The following LINGO1 variants were observed in gnomAD, a reference collection of about 807,000 sequenced individuals.
The protein encoded by LINGO1 is leucine rich repeat and Ig domain containing 1.
A neutral mutation model predicts 37.3 loss-of-function variants in LINGO1; 11 were observed. That is an observed-to-expected ratio of 0.29 (90% CI 0.19 to 0.49). The LOEUF is 0.49. LINGO1 is among the 20% of genes least tolerant of loss of function. The probability of loss-of-function intolerance (pLI) is 0.99; values close to 1 mark genes in which losing one functional copy is unlikely to be tolerated. For missense variants in LINGO1, 585 were observed against 878.2 expected (o/e 0.67, Z 4.22); for synonymous variants, 387 against 403.0 (o/e 0.96, Z 0.48).
intron 2 of LINGO1, among the ~76,000 whole-genome samples, chr15:77,730,302 G>A (rs1433811755): frequency 6.6e-6 from 1 of 152,174 alleles, no homozygotes; most frequent in Non-Finnish European, 1.5e-5. Flanking sequence ...AGCCCTGTGA[G>A]GTGGGTTCTG....
chr15:77,628,691 A>C (rs2074165378), intron 1 of LINGO1, among the ~76,000 whole-genome samples: 1 of 152,140 alleles, frequency 6.6e-6, no homozygotes, highest in Admixed American at 6.5e-5. Flanking sequence ...TCATTATAGT[A>C]TTATTACTGC....
At chr15:77,772,396 G>A (rs1053758863) in intron 1 of LINGO1, among the ~76,000 whole-genome samples, 1 of 152,200 alleles carries the variant, frequency 6.6e-6, no homozygotes, top group South Asian at 2.1e-4. Context: ...TAAGAGGAGG[G>A]TGCAAGCACT....
chr15:77,687,253 G>A (rs1596108622), intron 2 of LINGO1, among the ~76,000 whole-genome samples: 1 of 152,098 alleles, frequency 6.6e-6, no homozygotes, highest in Non-Finnish European at 1.5e-5. Context: ...TGGGATCAAC[G>A]CTCAGTGCGC....
Position 77,626,691 on chromosome 15 carries a change from A to C in LINGO1, c.6+5619T>G, listed in dbSNP as rs1455662775. Among the ~76,000 whole-genome samples, 4 of 152,162 alleles carry C rather than the reference A, an allele frequency of 2.6e-5. No individual in the cohort carries two copies. The East Asian group carries it at 7.7e-4, about 29-fold the overall frequency. ...GGTCTACTGCAGGCCCAGAGAGGGG[A>C]GCCAAGACCCATGGGTGGGCTCACA... is the stretch of plus-strand genomic sequence containing the variant. On this transcript the variant is annotated intron_variant, in intron 1 of 1. Transcript: ENST00000355300.
intron 1 of LINGO1, among the ~76,000 whole-genome samples, chr15:77,776,526 A>AAGGCAGGAAGGCAGGAAGGG (rs1344764444): frequency 5.6e-5 from 2 of 35,792 alleles, no homozygotes; most frequent in African/African-American, 2.0e-4. Flanking sequence ...GGAAGGGAGG[A>AAGGCAGGAAGGCAGGAAGGG]AGGGAGGGAG....
chr15:77,691,835 A>G (rs771052480), intron 1 of LINGO1, among the ~76,000 whole-genome samples: 16 of 152,086 alleles, frequency 1.1e-4, no homozygotes, highest in Non-Finnish European at 2.2e-4. Context: ...GACAATAACG[A>G]GGTAGAAAAC....
chr15:77,615,377 T>C lies in LINGO1; in HGVS notation c.530A>G (p.Asn177Ser), dbSNP rs2073671984. ...YNLKSLEVGD[N>S]DLVYISHRAF... is the part of the protein sequence containing the mutation. Reference sequence around the variant, plus strand: ...GCGGTGAGAGATGTAGACGAGGTCATTGTCGCCAACCTCCAGTGACTTGAG... The same window carrying C: ...GCGGTGAGAGATGTAGACGAGGTCACTGTCGCCAACCTCCAGTGACTTGAG... The change falls in exon 2 of 2, where the codon AAT (asparagine) becomes AGT (serine). Residue 177 changes from asparagine to serine, a missense_variant. Asn to Ser is a conservative substitution (Grantham distance 46). Transcript: ENST00000355300. 1 of 1,613,970 alleles carries C rather than the reference T, an allele frequency of 6.2e-7. No individual in the cohort carries two copies. Among genetic ancestry groups the C allele is most frequent in the Non-Finnish European group, 8.5e-7 (1 of 1,179,888 alleles).
At chr15:77,699,403 C>T, upstream of LINGO1, among the ~76,000 whole-genome samples, 1 of 141,640 alleles carries the variant, frequency 7.1e-6, no homozygotes, top group Non-Finnish European at 1.6e-5. Flanking sequence ...TAACCATCAT[C>T]CCCACACACA....
upstream of LINGO1, among the ~76,000 whole-genome samples, chr15:77,699,113 C>T (rs1267469741): frequency 6.6e-6 from 1 of 152,114 alleles, no homozygotes; most frequent in Non-Finnish European, 1.5e-5. Flanking sequence ...GTCAACTCCT[C>T]CTCTCCATTT....
In LINGO1 at chr15:77,614,923, G is replaced by A; in HGVS notation, c.984C>T (p.Pro328=). The A allele has an allele frequency of 6.2e-7, 1 of 1,613,942 alleles. No homozygotes were observed. Among genetic ancestry groups the A allele is most frequent in the Non-Finnish European group, 8.5e-7 (1 of 1,179,884 alleles). Residue 328 remains proline, a synonymous_variant, in exon 2 of 2, where the codon CCC becomes CCT. Coordinates refer to ENST00000355300, the MANE Select transcript of LINGO1 (RefSeq NM_032808.7). The stretch of plus-strand genomic sequence containing the variant: ...GGTAGTTGAGGCCGCGGAAGGCATA[G>A]GGCTCCACCACGGCCAGCTGCCCGC... The part of the protein sequence containing the change: ...LVGGQLAVVE[P]YAFRGLNYLR...
intron 2 of LINGO1, among the ~76,000 whole-genome samples, chr15:77,682,225 T>C (rs2075427289): frequency 6.6e-6 from 1 of 151,906 alleles, no homozygotes; most frequent in Non-Finnish European, 1.5e-5. Context: ...CTAACCTTTC[T>C]GGGACTGGTT....
intron 1 of LINGO1, among the ~76,000 whole-genome samples, chr15:77,812,774 G>A (rs576088321): frequency 6.6e-6 from 1 of 152,328 alleles, no homozygotes; most frequent in South Asian, 2.1e-4. Flanking sequence ...GCAATTCATC[G>A]GGGAGAGTTA....
At chr15:77,716,620 A>G (rs1368757979) in intron 2 of LINGO1, among the ~76,000 whole-genome samples, 2 of 150,234 alleles carry the variant, frequency 1.3e-5, no homozygotes, top group African/African-American at 4.8e-5. Flanking sequence ...ATGAGTGAAG[A>G]GCCATCTACT....
intron 3 of LINGO1, among the ~76,000 whole-genome samples, chr15:77,666,427 G>A (rs560979529): frequency 3.3e-5 from 5 of 152,182 alleles, no homozygotes; most frequent in African/African-American, 9.7e-5. Context: ...GTGTGCTGTC[G>A]TCACTACTAC....
Position 77,632,443 on chromosome 15 carries a change from A to C in LINGO1, c.-128T>G. The C allele has an allele frequency of 3.8e-6, 4 of 1,053,830 alleles. No homozygotes were observed. Among genetic ancestry groups the C allele is most frequent in the Non-Finnish European group, 4.8e-6 (4 of 825,176 alleles). 65.3% of individuals were successfully genotyped at this position (1,053,830 alleles called of 1,614,324 possible). A position where few individuals can be genotyped will look rare whatever the true frequency, so the allele number is the denominator to read the frequency against. ...TCCTCCTCCGACACCTCCGCCCGGC[A>C]GTCCGCGCGCCCTCGCGGGGCTGGC... On this transcript the variant is annotated 5_prime_UTR_variant, in exon 1 of 2. Transcript: ENST00000355300. This position sits in a 1 kb window ranked among gnomAD's most constrained non-coding sequence, Gnocchi z 6.0.
chr15:77,751,486 G>C (rs1415467031), intron 1 of LINGO1, among the ~76,000 whole-genome samples: 1 of 152,294 alleles, frequency 6.6e-6, no homozygotes, highest in South Asian at 2.1e-4. Context: ...TGATAGTTGG[G>C]GGCAATGCCC....
At chr15:77,728,403 C>T (rs964966433) in intron 2 of LINGO1, among the ~76,000 whole-genome samples, 3 of 152,256 alleles carry the variant, frequency 2.0e-5, no homozygotes, top group Non-Finnish European at 4.4e-5. Flanking sequence ...TCGTTCGTCT[C>T]GGCTGCTGAG....
At chr15:77,725,752 A>T (rs2076095992) in intron 2 of LINGO1, among the ~76,000 whole-genome samples, 1 of 152,216 alleles carries the variant, frequency 6.6e-6, no homozygotes, top group Admixed American at 6.5e-5. Flanking sequence ...GACCTGGGAA[A>T]GCCAGGATGT....
intron 1 of LINGO1, among the ~76,000 whole-genome samples, chr15:77,620,374 C>T (rs570902123): frequency 1.4e-4 from 21 of 152,344 alleles, no homozygotes; most frequent in East Asian, 3.9e-4. Flanking sequence ...CAGTGGGGGA[C>T]ACTGAGCCAT....
Sources: allele counts gnomAD v4.1 joint callset (sites outside exome capture counted in the v4.1 genomes callset), GRCh38; gene constraint gnomAD v4.1.1; non-coding constraint Gnocchi (gnomAD v3.1); transcripts MANE v1.5; gene names NCBI Gene and HGNC (gene_info 2026-07-23, HGNC 2026-07-21).